Variants in MLLT10 observed in about 807,000 individuals in gnomAD.
The protein encoded by MLLT10 is protein AF-10.
Under a neutral mutation model 129.1 loss-of-function variants are expected in MLLT10, and 30 were observed. The ratio of observed to expected loss-of-function variants is 0.23; its 90% CI spans 0.17 to 0.32. The LOEUF (loss-of-function observed/expected upper bound fraction) is 0.32, where lower values mean the gene tolerates loss of function less well. Ranked by LOEUF, MLLT10 falls within the 10% of genes least tolerant of loss-of-function variation. The pLI, the probability that MLLT10 is intolerant of heterozygous loss-of-function variation, is 1.00. For synonymous variants in MLLT10, 490 were observed against 446.4 expected (o/e 1.10, Z -1.23); for missense variants, 1,119 against 1,268.3 (o/e 0.88, Z 1.79).
At chr10:21,712,942 T>G (rs1467419162) in intron 13 of MLLT10, among the ~76,000 whole-genome samples, 7 of 152,220 alleles carry the variant, frequency 4.6e-5, no homozygotes, top group African/African-American at 1.7e-4. Context: ...TTAACTTGTT[T>G]CCTGTTAACT....
intron 8 of MLLT10, among the ~76,000 whole-genome samples, chr10:21,619,029 T>TACACACACACACAC (rs66469025): frequency 7.9e-4 from 113 of 143,870 alleles, no homozygotes; most frequent in Middle Eastern, 3.5e-3. Context: ...CCTGGTGACA[T>TACACACACACACAC]ACACACACAC....
At chr10:21,613,572 A>G (rs1196317665) in intron 6 of MLLT10, among the ~76,000 whole-genome samples, 1 of 152,244 alleles carries the variant, frequency 6.6e-6, no homozygotes, top group Non-Finnish European at 1.5e-5. Flanking sequence ...TCAAATTGAA[A>G]AGATGGTGAT....
In MLLT10 at chr10:21,742,097, A is replaced by G; in HGVS notation, c.*114A>G. On this transcript the variant is annotated 3_prime_UTR_variant, in exon 23 of 23. Coordinates refer to ENST00000307729, the MANE Select transcript of MLLT10 (RefSeq NM_001195626.3). ...AAACGCAACAAGAAACTCAATGCAC[A>G]ACAAAGGATTAATTGCTGCAAGGAC... The G allele has an allele frequency of 1.1e-6, 1 of 888,734 alleles. No individual in the cohort carries two copies. The highest frequency in any genetic ancestry group is 1.8e-6 in the Non-Finnish European group (1 of 562,470). 55.1% of individuals were successfully genotyped at this position (888,734 alleles called of 1,614,324 possible).
At chr10:21,554,495 C>T (rs1199637252) in intron 3 of MLLT10, among the ~76,000 whole-genome samples, 1 of 151,452 alleles carries the variant, frequency 6.6e-6, no homozygotes, top group Non-Finnish European at 1.5e-5. Flanking sequence ...TGCTCTGACC[C>T]CAGGCTAGAG....
At chr10:21,681,148 T>C (rs1243197) in intron 11 of MLLT10, among the ~76,000 whole-genome samples, 184 bp from the exon 12 acceptor site, 79,112 of 151,910 alleles carry the variant, frequency 0.52, 20,895 homozygotes, top group Middle Eastern at 0.6. Context: ...AGAATTCTAT[T>C]CTGTTTGGTT....
At chr10:21,682,911 G>A (rs1056381221) in intron 13 of MLLT10, among the ~76,000 whole-genome samples, 1 of 152,028 alleles carries the variant, frequency 6.6e-6, no homozygotes, top group African/African-American at 2.4e-5. Flanking sequence ...AAAAATTCTC[G>A]TTTTGAGGCT....
intron 8 of MLLT10, among the ~76,000 whole-genome samples, chr10:21,627,846 CAG>C (rs1322483326): frequency 6.6e-6 from 1 of 152,076 alleles, no homozygotes; most frequent in African/African-American, 2.4e-5. Context: ...TTACTATAAA[CAG>C]TAAGAAATAA....
At chr10:21,569,649 G>C (rs1039445879) in intron 3 of MLLT10, among the ~76,000 whole-genome samples, 7 of 152,088 alleles carry the variant, frequency 4.6e-5, no homozygotes, top group African/African-American at 1.7e-4. Context: ...TCGAATTCCT[G>C]ACCTCAGGTG....
chr10:21,701,653 C>G (rs1204027491), intron 13 of MLLT10, among the ~76,000 whole-genome samples: 6 of 152,242 alleles, frequency 3.9e-5, no homozygotes, highest in African/African-American at 1.4e-4. Flanking sequence ...GTAATGCGAT[C>G]TCTTCTCGCT....
intron 13 of MLLT10, among the ~76,000 whole-genome samples, chr10:21,702,726 G>A (rs1466786229): frequency 6.6e-6 from 1 of 151,112 alleles, no homozygotes; most frequent in Non-Finnish European, 1.5e-5. Context: ...TTTATCTGAT[G>A]TAAGTATAGC....
At chr10:21,589,581 AT>A (rs1445275158) in intron 4 of MLLT10, among the ~76,000 whole-genome samples, 1 of 152,108 alleles carries the variant, frequency 6.6e-6, no homozygotes, top group Non-Finnish European at 1.5e-5. Context: ...TAACATTACT[AT>A]GTGCTTTTTT....
At chr10:21,587,838 C>T (rs1399998794) in intron 4 of MLLT10, among the ~76,000 whole-genome samples, 2 of 152,136 alleles carry the variant, frequency 1.3e-5, no homozygotes, top group Non-Finnish European at 2.9e-5. Context: ...AAAACTCTTC[C>T]TGTTATTCCT....
chr10:21,580,071 A>C (rs1458208402), intron 3 of MLLT10, among the ~76,000 whole-genome samples: 1 of 148,656 alleles, frequency 6.7e-6, no homozygotes, highest in African/African-American at 2.5e-5. Context: ...CCCAGGCTGG[A>C]GTGCAGTATT....
At chr10:21,633,149 G>A (rs990531603) in intron 8 of MLLT10, among the ~76,000 whole-genome samples, 14 of 152,122 alleles carry the variant, frequency 9.2e-5, no homozygotes, top group Non-Finnish European at 1.8e-4. Context: ...TTGTGTCTCA[G>A]TTTCTTCATC....
chr10:21,739,969 C>G (rs2058696270), intron 21 of MLLT10, 61 bp from the exon 22 acceptor site: 1 of 1,317,772 alleles, frequency 7.6e-7, no homozygotes, highest in Non-Finnish European at 1.1e-6. Flanking sequence ...TAAGGCAGCT[C>G]ATCTGACTGC....
At chr10:21,626,341 G>A (rs909522889) in intron 8 of MLLT10, 1 of 786,418 alleles carries the variant, frequency 1.3e-6, no homozygotes. Flanking sequence ...AAGGCATTTT[G>A]AAAATGACTA....
intron 13 of MLLT10, among the ~76,000 whole-genome samples, chr10:21,707,269 T>A (rs2131495777): frequency 6.7e-6 from 1 of 149,280 alleles, no homozygotes; most frequent in South Asian, 2.1e-4. Flanking sequence ...CTCGACTCAC[T>A]GCAAGCTCCG....
At chr10:21,598,491 CTCAG>C (rs1271125381) in intron 5 of MLLT10, among the ~76,000 whole-genome samples, 3 of 152,142 alleles carry the variant, frequency 2.0e-5, no homozygotes, top group South Asian at 4.1e-4. Flanking sequence ...TATTGCTACT[CTCAG>C]TCAGCATGGC....
At chr10:21,645,973 G>C (rs757632428) in intron 8 of MLLT10, among the ~76,000 whole-genome samples, 1 of 152,134 alleles carries the variant, frequency 6.6e-6, no homozygotes, top group Non-Finnish European at 1.5e-5. Flanking sequence ...GGGAGGCCGA[G>C]GCAGGCAGAT....
Sources: gnomAD v4.1 joint callset for allele counts (sites outside exome capture counted in the v4.1 genomes callset) on GRCh38, gnomAD v4.1.1 for gene constraint, MANE v1.5 for transcripts, NCBI Gene and HGNC (gene_info 2026-07-23, HGNC 2026-07-21) for gene names.